The following ZSWIM2 variants were observed in gnomAD, a reference collection of about 807,000 sequenced individuals.
ZSWIM2 encodes the protein E3 ubiquitin-protein ligase ZSWIM2.
ZSWIM2 carries 38 observed loss-of-function variants against 48.4 expected under a neutral mutation model. The ratio of observed to expected loss-of-function variants is 0.79; its 90% CI spans 0.61 to 1.03. The LOEUF (loss-of-function observed/expected upper bound fraction) is 1.03. Among genes scored for constraint, ZSWIM2 ranks in the 50% least tolerant of loss-of-function variants. The pLI is 0.00. For synonymous variants in ZSWIM2, 240 were observed against 251.3 expected, an observed-to-expected ratio of 0.96 and a Z score of 0.42; for missense variants, 776 against 730.2, an observed-to-expected ratio of 1.06 and a Z score of -0.72.
intron 3 of ZSWIM2, among the ~76,000 whole-genome samples, chr2:186,842,626 G>A (rs1691925464): frequency 6.6e-6 from 1 of 151,418 alleles, no homozygotes; most frequent in Non-Finnish European, 1.5e-5. Flanking sequence ...TTTATAAAAA[G>A]CACCTAGCAG....
chr2:186,838,496 C>T (rs1241670612), intron 4 of ZSWIM2, among the ~76,000 whole-genome samples: 1 of 149,880 alleles, frequency 6.7e-6, no homozygotes, highest in Admixed American at 6.7e-5. Flanking sequence ...TAAACCATCA[C>T]ATTTATTCAT....
In ZSWIM2 at chr2:186,828,791, C is replaced by A; in HGVS notation, c.1096-1G>T. 6.7e-7 allele frequency: 1 copy of A among 1,503,292 alleles called. No individual in the cohort carries two copies. The highest frequency in any genetic ancestry group is 8.9e-7 in the Non-Finnish European group (1 of 1,128,650). 93.1% of individuals were successfully genotyped at this position (1,503,292 alleles called of 1,614,324 possible). A position where few individuals can be genotyped will look rare whatever the true frequency, so the allele number is the denominator to read the frequency against. ...AGTTGTCAATACACTTCCTGTGAAACTTTAAAAAAAAGGTAAGCTAATCAG... is the reference window on the plus strand; with the variant it reads ...AGTTGTCAATACACTTCCTGTGAAAATTTAAAAAAAAGGTAAGCTAATCAG... On this transcript the variant is annotated splice_acceptor_variant, in intron 8 of 8. Coordinates refer to ENST00000295131, the MANE Select transcript of ZSWIM2 (RefSeq NM_182521.3). LOFTEE classifies it high-confidence loss of function.
At chr2:186,832,115 C>G (rs988736490) in intron 7 of ZSWIM2, among the ~76,000 whole-genome samples, 1 of 144,520 alleles carries the variant, frequency 6.9e-6, no homozygotes, top group Non-Finnish European at 1.5e-5. Context: ...TTTTTTCTTT[C>G]TTTTCTATTT....
intron 7 of ZSWIM2, among the ~76,000 whole-genome samples, chr2:186,832,784 T>C (rs1037677063): frequency 1.3e-5 from 2 of 152,160 alleles, no homozygotes; most frequent in Non-Finnish European, 2.9e-5. Context: ...TATTTGAATA[T>C]TTATTGTGTT....
intron 5 of ZSWIM2, among the ~76,000 whole-genome samples, chr2:186,835,752 T>C (rs1173071894): frequency 6.6e-6 from 1 of 152,232 alleles, no homozygotes; most frequent in Non-Finnish European, 1.5e-5. Flanking sequence ...TTCAGACTGA[T>C]GACTGAAATG....
intron 2 of ZSWIM2, among the ~76,000 whole-genome samples, chr2:186,846,810 C>CACATATATATATATATATATATATAT (rs1265650832): frequency 7.0e-6 from 1 of 143,696 alleles, no homozygotes; most frequent in African/African-American, 2.8e-5. Flanking sequence ...CACACACACA[C>CACATATATATATATATATATATATAT]ATATATATAT....
intron 3 of ZSWIM2, among the ~76,000 whole-genome samples, chr2:186,842,686 G>A (rs1055164294): frequency 4.0e-5 from 6 of 151,454 alleles, no homozygotes; most frequent in African/African-American, 1.5e-4. Context: ...ATTTAATTGG[G>A]TAGAACTGCA....
At chr2:186,828,946 GTTAAC>G (rs1213843923) in intron 8 of ZSWIM2, among the ~76,000 whole-genome samples, 156 bp from the exon 9 acceptor site, 3 of 151,990 alleles carry the variant, frequency 2.0e-5, no homozygotes, top group Non-Finnish European at 4.4e-5. Flanking sequence ...TTTTGAAGAA[GTTAAC>G]TTCTAAATAT....
At chr2:186,842,608 C>T (rs191688895) in intron 3 of ZSWIM2, among the ~76,000 whole-genome samples, 33 of 151,386 alleles carry the variant, frequency 2.2e-4, no homozygotes, top group Non-Finnish European at 3.1e-4. Flanking sequence ...GCAATACATA[C>T]GATTCAATTT....
chr2:186,847,266 T>TA (rs1322738191), intron 2 of ZSWIM2, among the ~76,000 whole-genome samples: 1 of 152,050 alleles, frequency 6.6e-6, no homozygotes, highest in African/African-American at 2.4e-5. Context: ...TTGACTGCCA[T>TA]AGGCCAATAC....
At chr2:186,831,043 T>G (rs565808289) in intron 7 of ZSWIM2, among the ~76,000 whole-genome samples, 28 of 152,324 alleles carry the variant, frequency 1.8e-4, no homozygotes, top group African/African-American at 6.5e-4. Flanking sequence ...TTACCTACTG[T>G]TTCTTATCCT....
rs1295718491 is a variant in ZSWIM2, at chr2:186,833,956, G to A, written c.818C>T (p.Thr273Ile). Residue 273 changes from threonine (T) to isoleucine (I), a missense_variant, in exon 6 of 9, where the codon ACA (threonine) becomes ATA (isoleucine). Coordinates refer to ENST00000295131, the MANE Select transcript of ZSWIM2 (RefSeq NM_182521.3). ...DSCCHLSHTF[T>I]FREKRNQKWR... ...AGATGGATACTGTACCTCACGAAAT[G>A]TAAACGTGTGGGAAAGATGGCAGCA... 13 of 1,612,484 alleles carry A rather than the reference G, an allele frequency of 8.1e-6. No homozygotes were observed. The highest frequency in any genetic ancestry group is 1.7e-5 in the Admixed American group (1 of 59,920).
At chr2:186,839,190 A>C (rs201880289) in intron 3 of ZSWIM2, 21 bp from the exon 4 acceptor site, 2 of 1,605,932 alleles carry the variant, frequency 1.2e-6, no homozygotes, top group African/African-American at 2.7e-5. Flanking sequence ...ATCCCAAAGT[A>C]TTAAAATCCA....
At chr2:186,837,612 G>GTATA (rs72348328) in intron 4 of ZSWIM2, 58 bp from the exon 5 acceptor site, 28,287 of 487,632 alleles carry the variant, frequency 0.058, 1,006 homozygotes, top group African/African-American at 0.099. Context: ...CATATCCATT[G>GTATA]TATATATATA....
chr2:186,831,811 T>G (rs1559111957), intron 7 of ZSWIM2, among the ~76,000 whole-genome samples: 2 of 149,392 alleles, frequency 1.3e-5, no homozygotes, highest in Non-Finnish European at 3.0e-5. Flanking sequence ...CACTCATAGG[T>G]GGGAATTGAA....
At chr2:186,830,408 C>T (rs1574136682) in intron 7 of ZSWIM2, among the ~76,000 whole-genome samples, 1 of 152,106 alleles carries the variant, frequency 6.6e-6, no homozygotes, top group African/African-American at 2.4e-5. Flanking sequence ...TTTAAGTAGT[C>T]ACATCAAATA....
intron 3 of ZSWIM2, among the ~76,000 whole-genome samples, chr2:186,843,115 T>C (rs10169582): frequency 0.14 from 20,602 of 151,558 alleles, 2,066 homozygotes; most frequent in African/African-American, 0.29. Flanking sequence ...TTCTTTTTAC[T>C]TCTTATAATA....
chr2:186,842,746 A>G (rs1053679010), intron 3 of ZSWIM2, among the ~76,000 whole-genome samples: 14 of 151,582 alleles, frequency 9.2e-5, no homozygotes, highest in African/African-American at 2.9e-4. Context: ...TGTACTTGAA[A>G]TTTGACGAGT....
Position 186,827,777 on chromosome 2 carries a change from G to T in ZSWIM2, c.*207C>A. On this transcript the variant is annotated 3_prime_UTR_variant, in exon 9 of 9. Transcript: ENST00000295131. ...AATTATTCATTATTTATAACATCCT[G>T]AATATATTCATGAAGACACCTAATG... 1 of 350,928 alleles carries T rather than the reference G, an allele frequency of 2.8e-6. No individual in the cohort carries two copies. The allele number at this position is 350,928 out of a possible 1,614,324, so 21.7% of individuals were successfully genotyped here.
Sources: gnomAD v4.1 joint callset for allele counts (sites outside exome capture counted in the v4.1 genomes callset) on GRCh38, gnomAD v4.1.1 for gene constraint, MANE v1.5 for transcripts, NCBI Gene and HGNC (gene_info 2026-07-23, HGNC 2026-07-21) for gene names.